The following TRIM14 variants were observed in gnomAD, a reference collection of about 807,000 sequenced individuals.
TRIM14 encodes the protein tripartite motif-containing protein 14.
In TRIM14, 28 loss-of-function variants were observed where a neutral mutation model predicts 44.5. That is an observed-to-expected ratio of 0.63 (90% CI 0.47 to 0.86). TRIM14 has a LOEUF of 0.86. TRIM14 is among the 40% of genes least tolerant of loss of function. The probability of loss-of-function intolerance (pLI) is 0.00; values close to 1 mark genes in which losing one functional copy is unlikely to be tolerated. For synonymous variants in TRIM14, 299 were observed against 269.2 expected (o/e 1.11, Z -1.08); for missense variants, 607 against 611.1 (o/e 0.99, Z 0.07).
downstream of TRIM14, chr9:98,082,874 A>G (rs747041411): frequency 8.1e-6 from 13 of 1,614,192 alleles, no homozygotes; most frequent in East Asian, 2.9e-4. Context: ...GCCAAAGTGA[A>G]AATTCCGGAA....
downstream of TRIM14, among the ~76,000 whole-genome samples, chr9:98,066,595 C>G (rs939932146): frequency 6.6e-6 from 1 of 151,868 alleles, no homozygotes; most frequent in Non-Finnish European, 1.5e-5. Context: ...GAAAAACTAC[C>G]TATTAGCAGC....
intron 1 of TRIM14, among the ~76,000 whole-genome samples, chr9:98,113,531 C>T (rs1167905826): frequency 1.3e-5 from 2 of 151,978 alleles, no homozygotes; most frequent in African/African-American, 4.8e-5. Context: ...ATTTTTGTAT[C>T]TTTTGTAGAG....
the TRIM14 span, chr9:98,060,720 A>T: frequency 1.3e-6 from 2 of 1,509,446 alleles, no homozygotes. Flanking sequence ...TTGCTCCAGA[A>T]TTTTTTCCTT....
At chr9:98,075,390 G>C (rs548392827) in intron 6 of TRIM14, 1 of 150,934 alleles carries the variant, frequency 6.6e-6, no homozygotes, top group Admixed American at 6.6e-5. Flanking sequence ...GGAAGGAAAC[G>C]GTGGGAGGGA....
intron 6 of TRIM14, among the ~76,000 whole-genome samples, chr9:98,072,530 C>T (rs1464765619): frequency 2.0e-5 from 3 of 151,962 alleles, no homozygotes; most frequent in Non-Finnish European, 2.9e-5. Context: ...TCTGCCTCAG[C>T]CTCCCGAGTA....
At chr9:98,041,229 A>G in the TRIM14 span, among the ~76,000 whole-genome samples, 4 of 152,224 alleles carry the variant, frequency 2.6e-5, no homozygotes, top group Non-Finnish European at 2.9e-5. Flanking sequence ...CTTGTAACCC[A>G]CAAATAATTT....
At chr9:98,055,125 T>G in the TRIM14 span, among the ~76,000 whole-genome samples, 2 of 152,172 alleles carry the variant, frequency 1.3e-5, no homozygotes, top group Non-Finnish European at 2.9e-5. Flanking sequence ...GTTTAAGCGA[T>G]TCTCCTACCT....
At chr9:98,057,052 T>C in the TRIM14 span, 1 of 1,344,106 alleles carries the variant, frequency 7.4e-7, no homozygotes, top group Admixed American at 3.0e-5. Flanking sequence ...GTCCGGCCTC[T>C]TCCCGCCCGC....
the TRIM14 span, among the ~76,000 whole-genome samples, chr9:98,036,626 AC>A: frequency 6.6e-6 from 1 of 152,024 alleles, no homozygotes; most frequent in African/African-American, 2.4e-5. Flanking sequence ...ACATGGAGAA[AC>A]CCCATCTCTA....
chr9:98,086,055 G>A lies in TRIM14; in HGVS notation c.*1415C>T, dbSNP rs1825763903. 6.6e-6 allele frequency: 1 copy of A among 152,206 alleles called. No homozygotes were observed. The highest frequency in any genetic ancestry group is 6.5e-5 in the Admixed American group (1 of 15,282). 9.4% of individuals were successfully genotyped at this position (152,206 alleles called of 1,614,324 possible). On this transcript the variant is annotated 3_prime_UTR_variant, in exon 6 of 6. Transcript: ENST00000341469. Reference sequence around the variant, plus strand: ...TGAGGGCCTACTGTTTTCTACCTCTGTCACTTCATTCCAGACAGCTGGGCA... The same window carrying A: ...TGAGGGCCTACTGTTTTCTACCTCTATCACTTCATTCCAGACAGCTGGGCA...
downstream of TRIM14, chr9:98,081,901 G>GAAAC (rs1372309042): frequency 6.6e-6 from 1 of 152,182 alleles, no homozygotes; most frequent in Non-Finnish European, 1.5e-5. Context: ...CTTTATAGAG[G>GAAAC]AAACAGGAGA....
chr9:98,057,793 A>G, the TRIM14 span, among the ~76,000 whole-genome samples: 5 of 151,958 alleles, frequency 3.3e-5, no homozygotes, highest in African/African-American at 1.2e-4. Context: ...ATGCTACTCA[A>G]CTGATTTTGT....
chr9:98,104,621 C>G (rs10985065), intron 2 of TRIM14, among the ~76,000 whole-genome samples: 3 of 151,988 alleles, frequency 2.0e-5, no homozygotes, highest in African/African-American at 7.3e-5. Flanking sequence ...TTGGGTCCCA[C>G]TGGTTCAAAG....
At chr9:98,098,795 C>CT (rs1165592406) in intron 3 of TRIM14, among the ~76,000 whole-genome samples, 1 of 151,802 alleles carries the variant, frequency 6.6e-6, no homozygotes, top group African/African-American at 2.4e-5. Flanking sequence ...TAGTTCTTTT[C>CT]TTTTTTTTGA....
At chr9:98,113,761 C>T (rs1826946344) in intron 1 of TRIM14, among the ~76,000 whole-genome samples, 1 of 152,180 alleles carries the variant, frequency 6.6e-6, no homozygotes, top group South Asian at 2.1e-4. Flanking sequence ...GAAAAGGTAA[C>T]TGGGGAGAGT....
At chr9:98,071,327 A>G (rs1829330966) in intron 6 of TRIM14, among the ~76,000 whole-genome samples, 1 of 152,192 alleles carries the variant, frequency 6.6e-6, no homozygotes, top group Non-Finnish European at 1.5e-5. Flanking sequence ...CCCGGGCTAT[A>G]TGGCCCAGTG....
chr9:98,116,865 T>C (rs1306131332), intron 1 of TRIM14, among the ~76,000 whole-genome samples: 2 of 144,558 alleles, frequency 1.4e-5, no homozygotes, highest in East Asian at 4.0e-4. Context: ...AAAAAAAAAG[T>C]CAAATCCAAA....
intron 1 of TRIM14, among the ~76,000 whole-genome samples, chr9:98,110,848 A>AAAAATAAAATATAATAAAAT (rs1826821257): frequency 7.7e-6 from 1 of 130,528 alleles, no homozygotes; most frequent in African/African-American, 3.4e-5. Flanking sequence ...CTCTACCACA[A>AAAAATAAAATATAATAAAAT]AAAATAAAAT....
At chr9:98,041,276 A>G in the TRIM14 span, among the ~76,000 whole-genome samples, 1 of 152,188 alleles carries the variant, frequency 6.6e-6, no homozygotes, top group African/African-American at 2.4e-5. Context: ...AAAAAACTTA[A>G]GAACAACTAA....
Sources: allele counts gnomAD v4.1 joint callset (sites outside exome capture counted in the v4.1 genomes callset), GRCh38; gene constraint gnomAD v4.1.1; transcripts MANE v1.5; gene names NCBI Gene and HGNC (gene_info 2026-07-23, HGNC 2026-07-21).